ZNF263: variants seen among roughly 807,000 people sequenced by gnomAD.
The protein encoded by ZNF263 is zinc finger protein 263, also known as zinc finger protein FPM315.
ZNF263 carries 49 observed loss-of-function variants against 63.1 expected under a neutral mutation model. The ratio of observed to expected loss-of-function variants is 0.78; its 90% CI spans 0.62 to 0.99. The LOEUF is 0.99. Ranked by LOEUF, ZNF263 falls within the 50% of genes least tolerant of loss-of-function variation. The pLI is 0.00. For missense variants in ZNF263, 872 were observed against 854.8 expected (o/e 1.02, Z -0.25); for synonymous variants, 352 against 324.2 (o/e 1.09, Z -0.92).
At position 3,286,056 on chromosome 16, in the gene ZNF263, A is replaced by G. The variant is rs1302996717; in HGVS notation, c.676A>G (p.Ile226Val). Residue 226 changes from isoleucine (I) to valine (V), a missense_variant, in exon 4 of 6, where the codon ATC becomes GTC. Ile to Val is a conservative substitution (Grantham distance 29). Coordinates refer to ENST00000219069, the MANE Select transcript of ZNF263 (RefSeq NM_005741.5). ...GAGCTTAGAGGACGTGGCAATGTAC[A>G]TCTCCCAGGAGGAGTGGGGGCATCA... ...PESLEDVAMY[I>V]SQEEWGHQDP... 3 of 1,613,592 alleles carry G rather than the reference A, an allele frequency of 1.9e-6. No individual in the cohort carries two copies. Among genetic ancestry groups the G allele is most frequent in the East Asian group, 2.2e-5 (1 of 44,876 alleles).
In ZNF263 at chr16:3,289,723, G is replaced by A. The variant is rs1331625322; in HGVS notation, c.1217G>A (p.Cys406Tyr). ...AGAATACATGCAGCTGAAAGACTGT[G>A]TATGGGTGTGGACTGCACTGAAATC... Reference protein sequence around the residue: ...HQRIHAAERLCMGVDCTEIFG... With the variant: ...HQRIHAAERLYMGVDCTEIFG... The change falls in exon 6 of 6, where the codon TGT becomes TAT. Residue 406 changes from cysteine (C) to tyrosine (Y), a missense_variant. Physicochemically the swap from Cys to Tyr is radical, Grantham distance 194. Transcript: ENST00000219069. 2.1e-5 allele frequency: 34 copies of A among 1,614,122 alleles called. No homozygotes were observed. Among genetic ancestry groups the A allele is most frequent in the Non-Finnish European group, 2.7e-5 (32 of 1,180,008 alleles).
At chr16:3,297,274 A>G (rs1156539232) in intron 1 of ZNF263, among the ~76,000 whole-genome samples, 1 of 147,136 alleles carries the variant, frequency 6.8e-6, no homozygotes, top group Non-Finnish European at 1.5e-5. Context: ...AGCTTGGGTG[A>G]TACAGCGAGA....
rs776718624 is a variant in ZNF263, at chr16:3,283,904, C to T, written c.86C>T (p.Pro29Leu). 6.2e-7 allele frequency: 1 copy of T among 1,612,168 alleles called. No homozygotes were observed. Among genetic ancestry groups the T allele is most frequent in the African/African-American group, 1.3e-5 (1 of 74,880 alleles). The change falls in exon 1 of 6, where the codon CCC (proline) becomes CTC (leucine). Residue 29 changes from proline (P) to leucine (L), a missense_variant. Pro to Leu is a moderately conservative substitution (Grantham distance 98, BLOSUM62 -3). Transcript: ENST00000219069. ...EEDCAWSQELPPPDPGPSPEA... is the reference protein window; with the variant it reads ...EEDCAWSQELLPPDPGPSPEA... ...GACTGCGCCTGGAGCCAGGAGCTGC[C>T]CCCACCTGACCCAGGACCGAGCCCC...
intron 2 of ZNF263, chr16:3,300,653 A>G: frequency 6.6e-7 from 1 of 1,525,508 alleles, no homozygotes; most frequent in South Asian, 1.3e-5. Flanking sequence ...GAGAAAACAA[A>G]GGGAAAAGCC....
At chr16:3,288,341 C>T (rs532584435) in intron 4 of ZNF263, 113 bp from the exon 5 acceptor site, 1 of 790,036 alleles carries the variant, frequency 1.3e-6, no homozygotes, top group African/African-American at 1.7e-5. Flanking sequence ...TAACTGCTGT[C>T]AGATTTATGG....
intron 2 of ZNF263, 78 bp downstream of exon 2, chr16:3,285,317 T>C: frequency 1.4e-6 from 2 of 1,438,954 alleles, no homozygotes; most frequent in African/African-American, 1.4e-5. Context: ...GATGTAGCAA[T>C]GATGCGAAGG....
intron 2 of ZNF263, chr16:3,299,921 A>AT: frequency 1.9e-6 from 3 of 1,612,156 alleles, no homozygotes; most frequent in Non-Finnish European, 2.5e-6. Context: ...GGCAGTTTTG[A>AT]TTTTCCAATA....
Position 3,285,913 on chromosome 16 carries a change from TC to T in ZNF263, c.643-104del, listed in dbSNP as rs111986141. ...TCACTTGGAGGCCTGATACCCTTCT[TC>T]CCCCCTGACATGTGCTTGGCATCCC... is the stretch of plus-strand genomic sequence containing the variant. On this transcript the variant is annotated intron_variant, in intron 3 of 5. Transcript: ENST00000219069. 7,676 of 1,584,350 alleles carry T rather than the reference TC, an allele frequency of 4.8e-3. 362 individuals carry two copies. The African/African-American group carries it at 0.09, about 19-fold the overall frequency.
chr16:3,299,771 G>A, intron 2 of ZNF263: 1 of 1,559,374 alleles, frequency 6.4e-7, no homozygotes, highest in Non-Finnish European at 8.6e-7. Context: ...TGAAATCTTA[G>A]AACATTAAGT....
rs745669107 is a variant in ZNF263 at position 3,289,543 on chromosome 16, C to T, written c.1037C>T (p.Ala346Val). Residue 346 changes from alanine to valine, a missense_variant, in exon 6 of 6, where the codon GCG becomes GTG. Ala to Val is a moderately conservative substitution (Grantham distance 64, BLOSUM62 0). Coordinates refer to ENST00000219069, the MANE Select transcript of ZNF263 (RefSeq NM_005741.5). ...RPHDRSQGDW[A>V]PPPEGGMEQA... Reference sequence around the variant, plus strand: ...CATGACCGGTCGCAAGGGGATTGGGCGCCTCCCCCAGAGGGTGGAATGGAG... The same window carrying T: ...CATGACCGGTCGCAAGGGGATTGGGTGCCTCCCCCAGAGGGTGGAATGGAG... 23 of 1,606,114 alleles carry T rather than the reference C, an allele frequency of 1.4e-5. No homozygotes were observed. Among genetic ancestry groups the T allele is most frequent in the Non-Finnish European group, 1.6e-5 (19 of 1,175,636 alleles).
In ZNF263 at chr16:3,300,031, C is replaced by T. The variant is rs770860523; in HGVS notation, c.*46+875C>T. 1.5e-5 allele frequency: 25 copies of T among 1,614,034 alleles called. No homozygotes were observed. Among genetic ancestry groups the T allele is most frequent in the Admixed American group, 8.3e-5 (5 of 59,988 alleles). ...CTTCCCTGGTAGGCAGATATCTTTC[C>T]TACTTGCCTGAGAATTTTCTGGCAT... On this transcript the variant is annotated intron_variant, in intron 2 of 2. Coordinates refer to the ZNF263 transcript ENST00000574674.
At chr16:3,299,089 T>G in intron 1 of ZNF263, 2 of 1,424,826 alleles carry the variant, frequency 1.4e-6, no homozygotes, top group Non-Finnish European at 1.8e-6. Context: ...GACTATTTCT[T>G]GTTGCATCTC....
exon 3 of ZNF263, chr16:3,300,979 C>T (rs954544030): frequency 5.2e-5 from 10 of 192,476 alleles, no homozygotes; most frequent in Non-Finnish European, 1.1e-4. Flanking sequence ...TACCGGAAAA[C>T]GGACAATATG....
chr16:3,300,187 T>C (rs374821280), intron 2 of ZNF263: 29 of 1,614,098 alleles, frequency 1.8e-5, no homozygotes, highest in Non-Finnish European at 2.4e-5. Context: ...TAGGACTTGT[T>C]CCCCACATCC....
downstream of ZNF263, among the ~76,000 whole-genome samples, chr16:3,292,356 C>G (rs544150757): frequency 7.9e-5 from 12 of 152,286 alleles, no homozygotes; most frequent in South Asian, 2.5e-3. Flanking sequence ...TAATATCTCA[C>G]TATTTCTCAT....
chr16:3,288,125 G>T (rs1004880781), intron 4 of ZNF263, among the ~76,000 whole-genome samples: 169 of 151,776 alleles, frequency 1.1e-3, no homozygotes, highest in Non-Finnish European at 2.1e-4. Flanking sequence ...GGTGGTGCAC[G>T]CCTGTAATCC....
At chr16:3,297,163 G>C (rs1014287663) in intron 1 of ZNF263, among the ~76,000 whole-genome samples, 24 of 151,876 alleles carry the variant, frequency 1.6e-4, no homozygotes, top group Admixed American at 3.3e-4. Context: ...CAGGTGTGGT[G>C]GCACGCGCCT....
At position 3,298,683 on chromosome 16, in the gene ZNF263, C is replaced by G. The variant is rs546851790; in HGVS notation, c.152-423C>G. 11 of 219,296 alleles carry G rather than the reference C, an allele frequency of 5.0e-5. No homozygotes were observed. The South Asian group carries it at 5.5e-4, about 11-fold the overall frequency. The allele number at this position is 219,296 out of a possible 1,614,324, so 13.6% of individuals were successfully genotyped here. A position where few individuals can be genotyped will look rare whatever the true frequency, so the allele number is the denominator to read the frequency against. On this transcript the variant is annotated intron_variant, in intron 1 of 2. Transcript: ENST00000574674. ...TAGTCAGCACAGTTTCTTTGTTATACGATATGATTACAAACTAATGCTTTT... is the reference window on the plus strand; with the variant it reads ...TAGTCAGCACAGTTTCTTTGTTATAGGATATGATTACAAACTAATGCTTTT...
chr16:3,298,793 A>C (rs1049735979), intron 1 of ZNF263: 14 of 388,628 alleles, frequency 3.6e-5, no homozygotes, highest in Non-Finnish European at 5.4e-5. Flanking sequence ...TGAATTTATG[A>C]AACACAAATT....
Sources: gnomAD v4.1 joint callset for allele counts (sites outside exome capture counted in the v4.1 genomes callset) on GRCh38, gnomAD v4.1.1 for gene constraint, MANE v1.5 for transcripts, NCBI Gene and HGNC (gene_info 2026-07-23, HGNC 2026-07-21) for gene names.